Variants in ACAN observed in about 807,000 individuals in gnomAD.
ACAN encodes the protein aggrecan.
In ACAN, 47 loss-of-function variants were observed where a neutral mutation model predicts 169.1. The observed-to-expected ratio is 0.28, with a 90% CI of 0.22 to 0.35. The LOEUF is 0.35. Ranked by LOEUF, ACAN falls within the 10% of genes least tolerant of loss-of-function variation. The pLI, the probability that ACAN is intolerant of heterozygous loss-of-function variation, is 1.00. For missense variants in ACAN, 2,716 were observed against 2,759.9 expected, an observed-to-expected ratio of 0.98 and a Z score of 0.36; for synonymous variants, 1,115 against 1,112.2, an observed-to-expected ratio of 1.00 and a Z score of -0.05.
intron 1 of ACAN, among the ~76,000 whole-genome samples, chr15:88,819,939 A>C (rs933430415): frequency 6.6e-6 from 1 of 152,072 alleles, no homozygotes; most frequent in African/African-American, 2.4e-5. Flanking sequence ...AGTCAGACCA[A>C]TCCGGGTTTG....
chr15:88,860,151 TC>T lies in ACAN; in HGVS notation c.6833-169del, dbSNP rs1368670070. 2.2e-5 allele frequency among the ~76,000 whole-genome samples: 3 copies of T among 138,772 alleles called. No homozygotes were observed. In the Admixed American group the frequency reaches 2.3e-4, roughly 11 times the overall value. 91.0% of individuals were successfully genotyped at this position (138,772 alleles called of 152,430 possible). A position where few individuals can be genotyped will look rare whatever the true frequency, so the allele number is the denominator to read the frequency against. ...GAGAGAGCTTTCACAGCTAGAGAGCTCCCCCCGATGCTGTGGGCCAGGTGCC... is the reference window on the plus strand; with the variant it reads ...GAGAGAGCTTTCACAGCTAGAGAGCTCCCCCGATGCTGTGGGCCAGGTGCC... On this transcript the variant is annotated intron_variant, in intron 12 of 18. Transcript: ENST00000560601.
chr15:88,858,014 C>T lies in ACAN; in HGVS notation c.5429C>T (p.Ser1810Leu). ...SGLPGFSGAT[S>L]GVPDLVSGTT... Reference sequence around the variant, plus strand: ...TTACCAGGGTTCAGTGGGGCAACATCAGGAGTCCCTGACCTGGTTTCTGGT... The same window carrying T: ...TTACCAGGGTTCAGTGGGGCAACATTAGGAGTCCCTGACCTGGTTTCTGGT... The change falls in exon 12 of 19, where the codon TCA becomes TTA. Residue 1810 changes from serine (S) to leucine (L), a missense_variant. This residue lies in a region of ACAN where 1,389 missense variants were observed against 1,363.7 expected (regional missense o/e 1.02). Coordinates refer to ENST00000560601, the MANE Select transcript of ACAN (RefSeq NM_001369268.1). This position sits in a 1 kb window ranked among gnomAD's most constrained non-coding sequence, Gnocchi z 4.0. 6.2e-7 allele frequency: 1 copy of T among 1,613,932 alleles called. No individual in the cohort carries two copies. The highest frequency in any genetic ancestry group is 8.5e-7 in the Non-Finnish European group (1 of 1,179,888).
At chr15:88,864,124 C>A (rs1291233778) in intron 13 of ACAN, among the ~76,000 whole-genome samples, 1 of 152,166 alleles carries the variant, frequency 6.6e-6, no homozygotes, top group Non-Finnish European at 1.5e-5. Flanking sequence ...CTGTAGTGAG[C>A]CATGGTTGTG....
In ACAN at chr15:88,857,732, G is replaced by T. The variant is rs79925540; in HGVS notation, c.5147G>T (p.Ser1716Ile). ...GGACTCCCTTCAGGAACTGAACTCA[G>T]TGGCCAAGCATCTGGGTCTCCTGAT... ...ASGLPSGTEL[S>I]GQASGSPDVS... The change falls in exon 12 of 19, where the codon AGT (serine) becomes ATT (isoleucine). Residue 1716 changes from serine (S) to isoleucine (I), a missense_variant. This residue lies in a region of ACAN where 1,389 missense variants were observed against 1,363.7 expected (regional missense o/e 1.02). Transcript: ENST00000560601. 6.8e-3 allele frequency: 11,003 copies of T among 1,613,990 alleles called. 671 individuals carry two copies. In the South Asian group the frequency reaches 0.1, roughly 15 times the overall value.
intron 7 of ACAN, among the ~76,000 whole-genome samples, chr15:88,846,385 A>G (rs1450570556): frequency 6.6e-6 from 1 of 152,376 alleles, no homozygotes; most frequent in African/African-American, 2.4e-5. Flanking sequence ...ACATTCTTAA[A>G]TAGTTAGGGG....
chr15:88,841,810 G>C lies in ACAN; in HGVS notation c.700G>C (p.Gly234Arg). 1 of 1,613,524 alleles carries C rather than the reference G, an allele frequency of 6.2e-7. No homozygotes were observed. Among genetic ancestry groups the C allele is most frequent in the South Asian group, 1.1e-5 (1 of 91,012 alleles). Residue 234 changes from glycine to arginine, a missense_variant, in exon 5 of 19, where the codon GGC (glycine) becomes CGC (arginine). By Grantham distance (125) the Gly-to-Arg change is moderately radical (BLOSUM62 -2). Transcript: ENST00000560601. ...KDEFPGVRTY[G>R]IRDTNETYDV... ...TGAGTTTCCTGGTGTGAGGACGTAT[G>C]GCATCCGAGACACCAACGAGACCTA...
At chr15:88,845,935 G>T (rs1896784653) in intron 7 of ACAN, 53 bp downstream of exon 7, 1 of 1,431,530 alleles carries the variant, frequency 7.0e-7, no homozygotes, top group Non-Finnish European at 9.2e-7. Context: ...AACTTGGCCT[G>T]CAGGGAAGGG....
At position 88,866,577 on chromosome 15, in the gene ACAN, C is replaced by T. The variant is rs1398732527; in HGVS notation, c.6947-1639C>T. 6.6e-6 allele frequency among the ~76,000 whole-genome samples: 1 copy of T among 151,988 alleles called. No individual in the cohort carries two copies. The highest frequency in any genetic ancestry group is 1.5e-5 in the Non-Finnish European group (1 of 68,006). ...GTTGGTTCTAGTCTATGGTGTGCCC[C>T]CCCGAGATGAAGTTAAAGACTTCAT... On this transcript the variant is annotated intron_variant, in intron 13 of 18. Coordinates refer to ENST00000560601, the MANE Select transcript of ACAN (RefSeq NM_001369268.1). The surrounding 1 kb of genome is among the most constrained non-coding windows in gnomAD (Gnocchi z 5.6).
intron 1 of ACAN, among the ~76,000 whole-genome samples, chr15:88,816,968 A>G (rs567847830): frequency 2.6e-5 from 4 of 152,286 alleles, no homozygotes; most frequent in Non-Finnish European, 5.9e-5. Context: ...TTAACACACC[A>G]GGAGCCTACT....
intron 1 of ACAN, among the ~76,000 whole-genome samples, chr15:88,813,307 A>T (rs1895865840): frequency 6.6e-6 from 1 of 152,250 alleles, no homozygotes; most frequent in Non-Finnish European, 1.5e-5. Context: ...CTATTAGAAC[A>T]TCTCCAGTTT....
chr15:88,863,621 G>A (rs772892780), intron 13 of ACAN, among the ~76,000 whole-genome samples: 4 of 152,272 alleles, frequency 2.6e-5, no homozygotes, highest in Non-Finnish European at 5.9e-5. Flanking sequence ...AGGAGGGCAC[G>A]ACCTTAAACT....
At chr15:88,841,548 T>C (rs2141571323) in intron 4 of ACAN, among the ~76,000 whole-genome samples, 192 bp from the exon 5 acceptor site, 1 of 152,272 alleles carries the variant, frequency 6.6e-6, no homozygotes, top group South Asian at 2.1e-4. Flanking sequence ...CCACTAAATA[T>C]TCAGTAGTGG....
In ACAN at chr15:88,857,447, A is replaced by G. The variant is rs1264991684; in HGVS notation, c.4862A>G (p.Glu1621Gly). 6.2e-7 allele frequency: 1 copy of G among 1,613,816 alleles called. No homozygotes were observed. Among genetic ancestry groups the G allele is most frequent in the Non-Finnish European group, 8.5e-7 (1 of 1,179,906 alleles). Residue 1621 changes from glutamate to glycine, a missense_variant, in exon 12 of 19, where the codon GAA becomes GGA. Transcript: ENST00000560601. ...ACTCTAGGAAGTGGGCAAGCTCCAG[A>G]AACAAGTGGTCTTCCCTCTGGATTT... ...SGTLGSGQAP[E>G]TSGLPSGFSG...
In ACAN at chr15:88,854,918, C is replaced by A. The variant is rs769618934; in HGVS notation, c.2333C>A (p.Thr778Asn). ...GAAAGTACAGAAGGCCCTTCTGCAA[C>A]TGAAGTGCCCTCTGCCTCAGAGGAA... ...TEESTEGPSA[T>N]EVPSASEEPS... Residue 778 changes from threonine (T) to asparagine (N), a missense_variant, in exon 12 of 19, where the codon ACT (threonine) becomes AAT (asparagine). By Grantham distance (65) the Thr-to-Asn change is moderately conservative. This residue lies in a region of ACAN where 1,283 missense variants were observed against 1,281.5 expected (regional missense o/e 1.00). Coordinates refer to ENST00000560601, the MANE Select transcript of ACAN (RefSeq NM_001369268.1). 12 of 1,584,202 alleles carry A rather than the reference C, an allele frequency of 7.6e-6. No individual in the cohort carries two copies. In the East Asian group the frequency reaches 2.7e-4, roughly 36 times the overall value.
At position 88,873,901 on chromosome 15, in the gene ACAN, C is replaced by A. The variant is rs766292185; in HGVS notation, c.7507C>A (p.Arg2503=). The A allele has an allele frequency of 1.9e-6, 3 of 1,613,700 alleles. No homozygotes were observed. Among genetic ancestry groups the A allele is most frequent in the Admixed American group, 3.3e-5 (2 of 60,000 alleles). ...HARTFGQKKD[R]YEINSLVRYQ... ...CAGGACCTTCGGGCAGAAGAAGGACCGGTATGAGATCAATTCCCTGGTGCG... is the reference window on the plus strand; with the variant it reads ...CAGGACCTTCGGGCAGAAGAAGGACAGGTATGAGATCAATTCCCTGGTGCG... The change falls in exon 18 of 19, where the codon CGG becomes AGG. Residue 2503 remains arginine (R), a synonymous_variant. Coordinates refer to ENST00000560601, the MANE Select transcript of ACAN (RefSeq NM_001369268.1). The surrounding 1 kb of genome is among the most constrained non-coding windows in gnomAD (Gnocchi z 7.5).
Position 88,871,970 on chromosome 15 carries a change from G to A in ACAN, c.7220-33G>A. The A allele has an allele frequency of 6.3e-7, 1 of 1,586,708 alleles. No individual in the cohort carries two copies. Among genetic ancestry groups the A allele is most frequent in the South Asian group, 1.1e-5 (1 of 90,698 alleles). ...TTCTCAGACACCCTCAGGGTGTCCA[G>A]TGTGATGCCTGACACCCTCACCCTT... On this transcript the variant is annotated intron_variant, in intron 15 of 18. Transcript: ENST00000560601. The surrounding 1 kb of genome is among the most constrained non-coding windows in gnomAD (Gnocchi z 7.8).
intron 2 of ACAN, among the ~76,000 whole-genome samples, chr15:88,837,281 C>G (rs1271353366): frequency 6.6e-6 from 1 of 152,194 alleles, no homozygotes; most frequent in Non-Finnish European, 1.5e-5. Context: ...GGCGGCCCAG[C>G]TCCCCATGCT....
chr15:88,827,889 CA>C (rs1299226254), intron 1 of ACAN, among the ~76,000 whole-genome samples: 2 of 152,192 alleles, frequency 1.3e-5, no homozygotes, highest in Non-Finnish European at 2.9e-5. Flanking sequence ...AGGAAAGTGT[CA>C]GAGCTGCGAT....
At position 88,858,008 on chromosome 15, in the gene ACAN, C is replaced by T. The variant is rs1897100073; in HGVS notation, c.5423C>T (p.Ala1808Val). 2 of 1,613,782 alleles carry T rather than the reference C, an allele frequency of 1.2e-6. No homozygotes were observed. Among genetic ancestry groups the T allele is most frequent in the African/African-American group, 2.7e-5 (2 of 74,914 alleles). Reference sequence around the variant, plus strand: ...TCAGGGTTACCAGGGTTCAGTGGGGCAACATCAGGAGTCCCTGACCTGGTT... The same window carrying T: ...TCAGGGTTACCAGGGTTCAGTGGGGTAACATCAGGAGTCCCTGACCTGGTT... ...QPSGLPGFSG[A>V]TSGVPDLVSG... The change falls in exon 12 of 19, where the codon GCA becomes GTA. Residue 1808 changes from alanine (A) to valine (V), a missense_variant. Ala to Val is a moderately conservative substitution (Grantham distance 64). Coordinates refer to ENST00000560601, the MANE Select transcript of ACAN (RefSeq NM_001369268.1). This position sits in a 1 kb window ranked among gnomAD's most constrained non-coding sequence, Gnocchi z 4.0.
Sources: gnomAD v4.1 joint callset for allele counts (sites outside exome capture counted in the v4.1 genomes callset) on GRCh38, gnomAD v4.1.1 for gene constraint, gnomAD v4.1.1 regional missense constraint, Gnocchi (gnomAD v3.1) non-coding constraint, MANE v1.5 for transcripts, NCBI Gene and HGNC (gene_info 2026-07-23, HGNC 2026-07-21) for gene names.